The following KIAA1958 variants were observed in gnomAD, a reference collection of about 807,000 sequenced individuals.
KIAA1958 encodes KIAA1958, also known as uncharacterized protein KIAA1958.
KIAA1958 carries 14 observed loss-of-function variants against 47.2 expected under a neutral mutation model. That is an observed-to-expected ratio of 0.30 (90% CI 0.20 to 0.46). The LOEUF (loss-of-function observed/expected upper bound fraction) is 0.46. Ranked by LOEUF, KIAA1958 falls within the 20% of genes least tolerant of loss-of-function variation. The pLI, the probability that KIAA1958 is intolerant of heterozygous loss-of-function variation, is 1.00. For synonymous variants in KIAA1958, 354 were observed against 353.3 expected, an observed-to-expected ratio of 1.00 and a Z score of -0.02; for missense variants, 803 against 909.2, an observed-to-expected ratio of 0.88 and a Z score of 1.50.
At chr9:112,593,646 C>G (rs765296521) in intron 2 of KIAA1958, among the ~76,000 whole-genome samples, 10 of 152,054 alleles carry the variant, frequency 6.6e-5, no homozygotes, top group Non-Finnish European at 1.2e-4. Context: ...CTCCTGGCTT[C>G]AAGCAGTCCT....
intron 1 of KIAA1958, among the ~76,000 whole-genome samples, chr9:112,540,625 A>C (rs1487599559): frequency 1.8e-4 from 27 of 152,178 alleles, no homozygotes; most frequent in Admixed American, 1.8e-3. Context: ...AAAATGCCTT[A>C]AACATTTCAA....
chr9:112,489,603 A>T (rs1028193428), intron 1 of KIAA1958, among the ~76,000 whole-genome samples: 1 of 152,006 alleles, frequency 6.6e-6, no homozygotes, highest in Admixed American at 6.5e-5. Context: ...CTTTCTGGTA[A>T]GTTGGTGTTG....
intron 2 of KIAA1958, among the ~76,000 whole-genome samples, chr9:112,612,687 G>A (rs946621738): frequency 3.3e-5 from 5 of 152,172 alleles, no homozygotes; most frequent in Admixed American, 1.3e-4. Context: ...GCACTCTTAT[G>A]TCTTATCATG....
At chr9:112,567,605 C>G (rs956114622) in intron 1 of KIAA1958, among the ~76,000 whole-genome samples, 2 of 152,138 alleles carry the variant, frequency 1.3e-5, no homozygotes, top group Non-Finnish European at 1.5e-5. Flanking sequence ...GAGCACCATA[C>G]TCCCGAATAA....
intron 2 of KIAA1958, among the ~76,000 whole-genome samples, chr9:112,621,103 T>G (rs531093893): frequency 6.6e-6 from 1 of 152,282 alleles, no homozygotes; most frequent in South Asian, 2.1e-4. Flanking sequence ...ATCATTAATT[T>G]CCAGTGGTTT....
chr9:112,564,033 C>T (rs1028570936), intron 1 of KIAA1958, among the ~76,000 whole-genome samples: 22 of 151,996 alleles, frequency 1.4e-4, no homozygotes, highest in Admixed American at 1.0e-3. Context: ...TACATTTGCT[C>T]ACGTTTTGTA....
intron 2 of KIAA1958, among the ~76,000 whole-genome samples, chr9:112,607,138 C>T (rs1477026826): frequency 6.6e-6 from 1 of 152,052 alleles, no homozygotes; most frequent in Non-Finnish European, 1.5e-5. Flanking sequence ...GGGCAGATCA[C>T]CTGAGGTCAG....
Position 112,651,308 on chromosome 9 carries a change from T to A in KIAA1958, c.1344+5486T>A, listed in dbSNP as rs1256485594. ...ATTAATTTAATTAAAAGGGTTAAAA[T>A]CATATAGAATATGTTCTCTGTCCAC... On this transcript the variant is annotated intron_variant, in intron 3 of 3. Transcript: ENST00000337530. Among the ~76,000 whole-genome samples, 3 of 151,800 alleles carry A rather than the reference T, an allele frequency of 2.0e-5. No individual in the cohort carries two copies. In the East Asian group the frequency reaches 5.8e-4, roughly 29 times the overall value.
At chr9:112,652,922 C>G (rs985447737) in intron 3 of KIAA1958, among the ~76,000 whole-genome samples, 3 of 152,172 alleles carry the variant, frequency 2.0e-5, no homozygotes, top group African/African-American at 7.2e-5. Flanking sequence ...CCCCGCCTAA[C>G]CCATGGTTAC....
Position 112,574,379 on chromosome 9 carries a change from A to G in KIAA1958, c.299A>G (p.Glu100Gly), listed in dbSNP as rs1185523278. 2.5e-6 allele frequency: 4 copies of G among 1,614,182 alleles called. No homozygotes were observed. Among genetic ancestry groups the G allele is most frequent in the Non-Finnish European group, 3.4e-6 (4 of 1,180,002 alleles). Reference protein sequence around the residue: ...VPSETQTSPVERYPGRPVKAK... With the variant: ...VPSETQTSPVGRYPGRPVKAK... ...TCTGAGACACAGACTAGCCCTGTTG[A>G]AAGGTACCCTGGGAGACCAGTGAAA... Residue 100 changes from glutamate (E) to glycine (G), a missense_variant, in exon 2 of 4, where the codon GAA becomes GGA. Physicochemically the swap from Glu to Gly is moderately conservative, Grantham distance 98. Around this residue, in one of 2 missense-constraint regions of KIAA1958, gnomAD observed 761 missense variants for 829.3 expected, o/e 0.92. Transcript: ENST00000337530.
At chr9:112,552,689 C>T (rs982112546) in intron 1 of KIAA1958, among the ~76,000 whole-genome samples, 2 of 152,242 alleles carry the variant, frequency 1.3e-5, no homozygotes, top group Non-Finnish European at 2.9e-5. Context: ...TCCTCTTTCC[C>T]TCTCCAGTGC....
intron 2 of KIAA1958, among the ~76,000 whole-genome samples, chr9:112,611,581 G>A (rs1470897234): frequency 1.3e-5 from 2 of 151,866 alleles, no homozygotes; most frequent in Non-Finnish European, 2.9e-5. Flanking sequence ...TTTGGGAGAT[G>A]CAGAAGATAT....
intron 1 of KIAA1958, among the ~76,000 whole-genome samples, chr9:112,545,941 G>A (rs1450238689): frequency 6.7e-6 from 1 of 148,860 alleles, no homozygotes; most frequent in Non-Finnish European, 1.5e-5. Context: ...CTTGTCAGAT[G>A]CTTTGTGAGT....
Position 112,618,864 on chromosome 9 carries a change from A to G in KIAA1958, c.1172-26786A>G, listed in dbSNP as rs77611284. 6.8e-3 allele frequency: 10,585 copies of G among 1,548,776 alleles called. 618 individuals are homozygous for G. In the African/African-American group the frequency reaches 0.12, roughly 18 times the overall value. On this transcript the variant is annotated intron_variant, in intron 2 of 3. Transcript: ENST00000337530. This position sits in a 1 kb window ranked among gnomAD's most constrained non-coding sequence, Gnocchi z 7.1. ...CAGTCAGTGGCCGGCCACTCCAACA[A>G]TGGCAATTTCATCGTCTCCGCCTCC... is the stretch of plus-strand genomic sequence containing the variant.
chr9:112,547,756 T>C (rs1364484382), intron 1 of KIAA1958, among the ~76,000 whole-genome samples: 1 of 152,168 alleles, frequency 6.6e-6, no homozygotes, highest in Non-Finnish European at 1.5e-5. Flanking sequence ...TCCTTCCCTT[T>C]CCAGATCTTT....
intron 2 of KIAA1958, among the ~76,000 whole-genome samples, chr9:112,631,089 C>A (rs572056258): frequency 5.9e-4 from 90 of 152,134 alleles, no homozygotes; most frequent in Non-Finnish European, 1.0e-3. Flanking sequence ...TTATTCATAT[C>A]TTTTTGAAGA....
intron 3 of KIAA1958, among the ~76,000 whole-genome samples, chr9:112,656,793 A>G (rs1376362728): frequency 6.6e-6 from 1 of 151,988 alleles, no homozygotes; most frequent in Non-Finnish European, 1.5e-5. Context: ...CTTTTATTGA[A>G]CCCATTTTAG....
chr9:112,551,504 A>C (rs539262446), intron 1 of KIAA1958, among the ~76,000 whole-genome samples: 1 of 152,372 alleles, frequency 6.6e-6, no homozygotes, highest in Admixed American at 6.5e-5. Context: ...ACATAAACTG[A>C]AGATGGTAAA....
At chr9:112,563,027 GTCTC>G (rs10567261) in intron 1 of KIAA1958, among the ~76,000 whole-genome samples, 20 of 139,186 alleles carry the variant, frequency 1.4e-4, no homozygotes, top group East Asian at 2.1e-4. Context: ...TTAACTTTCT[GTCTC>G]TCTCTCTCTC....
Sources: allele counts gnomAD v4.1 joint callset (sites outside exome capture counted in the v4.1 genomes callset), GRCh38; gene constraint gnomAD v4.1.1; regional missense constraint gnomAD v4.1.1; non-coding constraint Gnocchi (gnomAD v3.1); transcripts MANE v1.5; gene names NCBI Gene and HGNC (gene_info 2026-07-23, HGNC 2026-07-21).